PARD3B: variants seen among roughly 807,000 people sequenced by gnomAD.
The protein encoded by PARD3B is par-3 family cell polarity regulator beta.
A neutral mutation model predicts 130.2 loss-of-function variants in PARD3B; 103 were observed. The ratio of observed to expected loss-of-function variants is 0.79; its 90% CI spans 0.67 to 0.93. The LOEUF is 0.93. PARD3B is among the 40% of genes least tolerant of loss of function. The probability of loss-of-function intolerance (pLI) is 0.00; values close to 1 mark genes in which losing one functional copy is unlikely to be tolerated. For synonymous variants in PARD3B, 583 were observed against 553.2 expected, an observed-to-expected ratio of 1.05 and a Z score of -0.76; for missense variants, 1,609 against 1,499.2, an observed-to-expected ratio of 1.07 and a Z score of -1.21.
At chr2:204,984,961 G>T (rs1693006452) in intron 3 of PARD3B, among the ~76,000 whole-genome samples, 1 of 148,758 alleles carries the variant, frequency 6.7e-6, no homozygotes, top group African/African-American at 2.5e-5. Flanking sequence ...TTCAGCAAGT[G>T]TTCAAGCAAG....
intron 1 of PARD3B, among the ~76,000 whole-genome samples, chr2:204,652,161 A>C (rs538412791): frequency 2.0e-5 from 3 of 152,208 alleles, no homozygotes; most frequent in South Asian, 4.1e-4. Flanking sequence ...TGCAGCTTTG[A>C]ATCACCCCCA....
At chr2:204,858,930 C>G (rs1050079160) in intron 2 of PARD3B, among the ~76,000 whole-genome samples, 1 of 151,504 alleles carries the variant, frequency 6.6e-6, no homozygotes, top group Non-Finnish European at 1.5e-5. Flanking sequence ...TTAACCCTCA[C>G]AAAATTATGC....
At chr2:204,631,718 T>C (rs2034686868) in intron 1 of PARD3B, among the ~76,000 whole-genome samples, 1 of 152,214 alleles carries the variant, frequency 6.6e-6, no homozygotes, top group Admixed American at 6.5e-5. Flanking sequence ...TGTACTTCAG[T>C]GTTTTTTTGT....
intron 18 of PARD3B, among the ~76,000 whole-genome samples, chr2:205,313,581 A>G (rs571028657): frequency 3.3e-5 from 5 of 152,352 alleles, no homozygotes; most frequent in African/African-American, 1.2e-4. Flanking sequence ...ACTTATCACA[A>G]TAAAAAATGA....
Position 205,500,046 on chromosome 2 carries a change from G to T in PARD3B, c.3180+15G>T, listed in dbSNP as rs2106341939. On this transcript the variant is annotated intron_variant, in intron 21 of 22. Transcript: ENST00000406610. ...ACCTACTCTGGGTAAGCGCATGCAT[G>T]ATTTCAATCGTTGAATTCATCTTTT... The T allele has an allele frequency of 6.2e-7, 1 of 1,610,952 alleles. No homozygotes were observed. Among genetic ancestry groups the T allele is most frequent in the Non-Finnish European group, 8.5e-7 (1 of 1,178,338 alleles).
At chr2:204,712,733 A>T in intron 2 of PARD3B, among the ~76,000 whole-genome samples, 1 of 152,208 alleles carries the variant, frequency 6.6e-6, no homozygotes, top group East Asian at 1.9e-4. Flanking sequence ...TCAAAGAAAA[A>T]TCATGTATCA....
At chr2:204,851,403 T>C (rs1375443614) in intron 2 of PARD3B, among the ~76,000 whole-genome samples, 7 of 152,240 alleles carry the variant, frequency 4.6e-5, no homozygotes, top group Non-Finnish European at 7.3e-5. Context: ...AGCAGAAGAA[T>C]ATTAGAATGA....
intron 1 of PARD3B, among the ~76,000 whole-genome samples, chr2:204,594,763 A>C (rs917176826): frequency 6.6e-6 from 1 of 152,198 alleles, no homozygotes; most frequent in Non-Finnish European, 1.5e-5. Flanking sequence ...AAAGTAATGC[A>C]TATCCACTGG....
chr2:204,561,789 G>C (rs2031328666), intron 1 of PARD3B, among the ~76,000 whole-genome samples: 1 of 151,970 alleles, frequency 6.6e-6, no homozygotes, highest in Admixed American at 6.6e-5. Context: ...TAGAGACGGG[G>C]TGTTGCCATG....
chr2:204,831,346 A>G (rs1341778589), intron 2 of PARD3B, among the ~76,000 whole-genome samples: 3 of 152,240 alleles, frequency 2.0e-5, no homozygotes, highest in Non-Finnish European at 4.4e-5. Flanking sequence ...GCATCTAAAA[A>G]TGAGGACAAC....
At chr2:204,902,668 CAAAAAAAAAAA>C (rs5837941) in intron 2 of PARD3B, among the ~76,000 whole-genome samples, 2 of 67,650 alleles carry the variant, frequency 3.0e-5, no homozygotes, top group South Asian at 1.3e-3. Flanking sequence ...GACTCTGTCT[CAAAAAAAAAAA>C]AAAAAAAAAA....
At position 204,575,994 on chromosome 2, in the gene PARD3B, G is replaced by A. The variant is rs147589945; in HGVS notation, c.120+29875G>A. Among the ~76,000 whole-genome samples the A allele has an allele frequency of 4.3e-4, 66 of 152,150 alleles. 1 individual carries two copies. The highest frequency in any genetic ancestry group is 2.3e-3 in the Admixed American group (35 of 15,286). ...GTTAATTGACTGTTAGTCTAATATC[G>A]TATCTCTGTATTGTAAGGTTTTCAG... On this transcript the variant is annotated intron_variant, in intron 1 of 22. Coordinates refer to ENST00000406610, the MANE Select transcript of PARD3B (RefSeq NM_001302769.2).
In PARD3B at chr2:205,619,603, G is replaced by C. The variant is rs937964779; in HGVS notation, c.*3790G>C. The C allele has an allele frequency of 9.9e-5, 15 of 152,162 alleles. No individual in the cohort carries two copies. The highest frequency in any genetic ancestry group is 3.4e-4 in the African/African-American group (14 of 41,432). 9.4% of individuals were successfully genotyped at this position (152,162 alleles called of 1,614,324 possible). On this transcript the variant is annotated 3_prime_UTR_variant, in exon 23 of 23. Coordinates refer to ENST00000406610, the MANE Select transcript of PARD3B (RefSeq NM_001302769.2). ...TGGAAACGATGCCACAGCGAGACCA[G>C]AAAGAGGAGTCGCCTTAAGGTATCC...
At chr2:204,987,442 T>G (rs1693261777) in intron 3 of PARD3B, among the ~76,000 whole-genome samples, 1 of 152,212 alleles carries the variant, frequency 6.6e-6, no homozygotes, top group African/African-American at 2.4e-5. Context: ...AAAGAAAAGA[T>G]TCTGTAGTTT....
At position 205,530,894 on chromosome 2, in the gene PARD3B, G is replaced by T. The variant is rs1014323093; in HGVS notation, c.3181-22430G>T. On this transcript the variant is annotated intron_variant, in intron 21 of 22. Transcript: ENST00000406610. The surrounding 1 kb of genome is among the most constrained non-coding windows in gnomAD (Gnocchi z 4.7). ...GTTGTAAAGGAATTATGTAGTGCAGGACCATTAGAAAATGCCAGAGTGGGA... is the reference window on the plus strand; with the variant it reads ...GTTGTAAAGGAATTATGTAGTGCAGTACCATTAGAAAATGCCAGAGTGGGA... Among the ~76,000 whole-genome samples, 2 of 152,186 alleles carry T rather than the reference G, an allele frequency of 1.3e-5. No homozygotes were observed. Among genetic ancestry groups the T allele is most frequent in the African/African-American group, 4.8e-5 (2 of 41,444 alleles).
At chr2:205,537,000 A>C (rs1478089765) in intron 21 of PARD3B, among the ~76,000 whole-genome samples, 1 of 152,192 alleles carries the variant, frequency 6.6e-6, no homozygotes, top group Non-Finnish European at 1.5e-5. Flanking sequence ...GGATTATACC[A>C]TAAGAAGTTC....
At chr2:204,628,520 A>G (rs2034564649) in intron 1 of PARD3B, among the ~76,000 whole-genome samples, 1 of 152,168 alleles carries the variant, frequency 6.6e-6, no homozygotes, top group African/African-American at 2.4e-5. Flanking sequence ...CTGCAACAAC[A>G]TAGTGATTTA....
chr2:204,894,286 C>T (rs2046560457), intron 2 of PARD3B, among the ~76,000 whole-genome samples: 2 of 151,804 alleles, frequency 1.3e-5, no homozygotes, highest in African/African-American at 4.8e-5. Context: ...TGCATTTTTG[C>T]AAGGCTGTAT....
At chr2:204,728,327 C>G (rs898056840) in intron 2 of PARD3B, among the ~76,000 whole-genome samples, 2 of 152,084 alleles carry the variant, frequency 1.3e-5, no homozygotes, top group African/African-American at 4.8e-5. Context: ...GAAGGAAATT[C>G]AGAAGATCTT....
Sources: gnomAD v4.1 joint callset for allele counts (sites outside exome capture counted in the v4.1 genomes callset) on GRCh38, gnomAD v4.1.1 for gene constraint, Gnocchi (gnomAD v3.1) non-coding constraint, MANE v1.5 for transcripts, NCBI Gene and HGNC (gene_info 2026-07-23, HGNC 2026-07-21) for gene names.